The following GZMK variants were observed in gnomAD, a reference collection of about 807,000 sequenced individuals.
The protein encoded by GZMK is granzyme K.
A neutral mutation model predicts 22.8 loss-of-function variants in GZMK; 18 were observed. That is an observed-to-expected ratio of 0.79 (90% CI 0.54 to 1.17). GZMK has a LOEUF of 1.17. Ranked by LOEUF, GZMK falls within the 50% of genes most tolerant of loss-of-function variation. The pLI is 0.00. For missense variants in GZMK, 342 were observed against 320.2 expected (o/e 1.07, Z -0.52); for synonymous variants, 136 against 115.0 (o/e 1.18, Z -1.17).
At chr5:55,028,343 G>A (rs536029707) in intron 2 of GZMK, 2 of 152,232 alleles carry the variant, frequency 1.3e-5, no homozygotes, top group East Asian at 3.9e-4. Context: ...TGTTGAATTT[G>A]AATTCAAATC....
rs746820075 is a variant in GZMK, at chr5:55,031,502, C to G, written c.502C>G (p.Leu168Val). ...AGATTCATTAAGACCTTCTGACACCCTGCGAGAAGTCACTGTTACTGTCCT... is the reference window on the plus strand; with the variant it reads ...AGATTCATTAAGACCTTCTGACACCGTGCGAGAAGTCACTGTTACTGTCCT... ...DPDSLRPSDT[L>V]REVTVTVLSR... The change falls in exon 4 of 5, where the codon CTG becomes GTG. Residue 168 changes from leucine (L) to valine (V), a missense_variant. Transcript: ENST00000231009. 4.3e-6 allele frequency: 7 copies of G among 1,614,146 alleles called. No individual in the cohort carries two copies. The highest frequency in any genetic ancestry group is 5.9e-6 in the Non-Finnish European group (7 of 1,179,982).
chr5:55,033,700 T>C, intron 4 of GZMK, 65 bp from the exon 5 acceptor site: 1 of 1,214,824 alleles, frequency 8.2e-7, no homozygotes, highest in Non-Finnish European at 1.2e-6. Context: ...CAGCAGTTGG[T>C]GGTTAAAAAA....
chr5:55,024,423 G>T, intron 1 of GZMK, 37 bp downstream of exon 1: 1 of 952,486 alleles, frequency 1.0e-6, no homozygotes, highest in South Asian at 1.4e-5. Context: ...AACATTAAAT[G>T]AATTTCTACT....
At chr5:55,026,584 T>C (rs1741146471) in intron 2 of GZMK, among the ~76,000 whole-genome samples, 1 of 152,116 alleles carries the variant, frequency 6.6e-6, no homozygotes, top group Non-Finnish European at 1.5e-5. Context: ...TCAAAATATT[T>C]ACAAAATAGC....
At chr5:55,029,558 G>A (rs1229929395) in intron 2 of GZMK, among the ~76,000 whole-genome samples, 1 of 151,802 alleles carries the variant, frequency 6.6e-6, no homozygotes, top group Non-Finnish European at 1.5e-5. Context: ...TTGTTTGTTT[G>A]TTTGTTTGTT....
Position 55,024,262 on chromosome 5 carries a change from T to C in GZMK, c.-61T>C. The C allele has an allele frequency of 3.6e-6, 3 of 844,882 alleles. No homozygotes were observed. The highest frequency in any genetic ancestry group is 6.1e-6 in the Non-Finnish European group (3 of 490,214). 52.3% of individuals were successfully genotyped at this position (844,882 alleles called of 1,614,324 possible). A position where few individuals can be genotyped will look rare whatever the true frequency, so the allele number is the denominator to read the frequency against. Reference sequence around the variant, plus strand: ...AGAACAAAACTCAGTCTTCAGAATCTTCTTCCTTCATCACAGGATCAACAC... The same window carrying C: ...AGAACAAAACTCAGTCTTCAGAATCCTCTTCCTTCATCACAGGATCAACAC... On this transcript the variant is annotated 5_prime_UTR_variant, in exon 1 of 5. Coordinates refer to ENST00000231009, the MANE Select transcript of GZMK (RefSeq NM_002104.3).
chr5:55,031,703 C>A, intron 4 of GZMK, 70 bp downstream of exon 4: 2 of 1,284,958 alleles, frequency 1.6e-6, no homozygotes, highest in Non-Finnish European at 2.2e-6. Flanking sequence ...TGCTCACTGA[C>A]ACTGAGGAGG....
intron 2 of GZMK, 152 bp from the exon 3 acceptor site, chr5:55,030,282 A>T: frequency 1.5e-6 from 1 of 664,010 alleles, no homozygotes; most frequent in Non-Finnish European, 2.6e-6. Flanking sequence ...GCTGGGCTCC[A>T]CTAAGACCTT....
chr5:55,028,671 C>G (rs1741173829), intron 2 of GZMK: 1 of 152,154 alleles, frequency 6.6e-6, no homozygotes, highest in Admixed American at 6.6e-5. Context: ...CTGCAATCTA[C>G]TTTGGTAGCT....
chr5:55,028,044 T>C (rs1741165650), intron 2 of GZMK, among the ~76,000 whole-genome samples: 1 of 152,220 alleles, frequency 6.6e-6, no homozygotes, highest in Admixed American at 6.5e-5. Flanking sequence ...GAAGGAATAA[T>C]GGTCTGCTTG....
chr5:55,024,738 G>C lies in GZMK; in HGVS notation c.143G>C (p.Gly48Ala), dbSNP rs759474452. The C allele has an allele frequency of 1.3e-5, 21 of 1,611,106 alleles. No homozygotes were observed. The South Asian group carries it at 2.3e-4, about 18-fold the overall frequency. The stretch of plus-strand genomic sequence containing the variant: ...TTTATGGCCTCCATCCAGTATGGCG[G>C]ACATCACGTTTGTGGAGGTGTTCTG... The part of the protein sequence containing the change: ...RPFMASIQYG[G>A]HHVCGGVLID... The change falls in exon 2 of 5, where the codon GGA becomes GCA. Residue 48 changes from glycine to alanine, a missense_variant. Transcript: ENST00000231009.
At position 55,031,471 on chromosome 5, in the gene GZMK, C is replaced by T. The variant is rs765985227; in HGVS notation, c.471C>T (p.Thr157=). 63 of 1,613,912 alleles carry T rather than the reference C, an allele frequency of 3.9e-5. No homozygotes were observed. The highest frequency in any genetic ancestry group is 1.1e-4 in the East Asian group (5 of 44,876). The change falls in exon 4 of 5, where the codon ACC becomes ACT. Residue 157 remains threonine (T), a synonymous_variant. Transcript: ENST00000231009. The part of the protein sequence containing the change: ...TKCKVTGWGA[T]DPDSLRPSDT... Reference sequence around the variant, plus strand: ...GCAAGGTTACTGGCTGGGGAGCCACCGATCCAGATTCATTAAGACCTTCTG... The same window carrying T: ...GCAAGGTTACTGGCTGGGGAGCCACTGATCCAGATTCATTAAGACCTTCTG...
In GZMK at chr5:55,031,513, C is replaced by G; in HGVS notation, c.513C>G (p.Val171=). 1.2e-6 allele frequency: 2 copies of G among 1,614,124 alleles called. No homozygotes were observed. Among genetic ancestry groups the G allele is most frequent in the Non-Finnish European group, 1.7e-6 (2 of 1,179,960 alleles). ...GACCTTCTGACACCCTGCGAGAAGT[C>G]ACTGTTACTGTCCTAAGTCGAAAAC... ...SLRPSDTLRE[V]TVTVLSRKLC... The change falls in exon 4 of 5, where the codon GTC becomes GTG. Residue 171 remains valine, a synonymous_variant. Coordinates refer to ENST00000231009, the MANE Select transcript of GZMK (RefSeq NM_002104.3).
rs758370179 is a variant in GZMK at position 55,024,395 on chromosome 5, C to T, written c.64+9C>T. On this transcript the variant is annotated intron_variant, in intron 1 of 4. Transcript: ENST00000231009. ...TTATATGACTCATGTGTGTAAGTAT[C>T]TCCTATATCTACATGTAAACATTAA... 1 of 1,223,382 alleles carries T rather than the reference C, an allele frequency of 8.2e-7. No individual in the cohort carries two copies. Among genetic ancestry groups the T allele is most frequent in the South Asian group, 1.2e-5 (1 of 80,858 alleles). The allele number at this position is 1,223,382 out of a possible 1,614,324, so 75.8% of individuals were successfully genotyped here. A position where few individuals can be genotyped will look rare whatever the true frequency, so the allele number is the denominator to read the frequency against.
Position 55,033,779 on chromosome 5 carries a change from C to T in GZMK, c.648C>T (p.Gly216=). Residue 216 remains glycine (G), a synonymous_variant, in exon 5 of 5, where the codon GGC becomes GGT. Coordinates refer to ENST00000231009, the MANE Select transcript of GZMK (RefSeq NM_002104.3). ...QKDSCKGDSG[G]PLICKGVFHA... ...CTTCCTTCCAGGGTGACTCAGGGGG[C>T]CCCTTGATCTGTAAAGGTGTCTTCC... 4 of 1,599,574 alleles carry T rather than the reference C, an allele frequency of 2.5e-6. No individual in the cohort carries two copies. The South Asian group carries it at 3.4e-5, about 14-fold the overall frequency.
At position 55,024,790 on chromosome 5, in the gene GZMK, AG is replaced by A; in HGVS notation, c.196del (p.Ala66ProfsTer17). 1 of 1,604,254 alleles carries A rather than the reference AG, an allele frequency of 6.2e-7. No homozygotes were observed. On this transcript the variant is annotated frameshift_variant, in exon 2 of 5. Transcript: ENST00000231009. LOFTEE classifies it high-confidence loss of function. ...LIDPQWVLTA[A>X]HCQYRFTKGQ... ...TTGATCCACAGTGGGTGCTGACAGC[AG>A]CCCACTGCCAATATCGGTGAGTCCT...
chr5:55,034,175 G>C lies in GZMK; in HGVS notation c.*249G>C, dbSNP rs3815763. 0.23 allele frequency: 95,535 copies of C among 409,480 alleles called. 11,885 individuals carry two copies. The highest frequency in any genetic ancestry group is 0.36 in the African/African-American group (17,453 of 48,900). 25.4% of individuals were successfully genotyped at this position (409,480 alleles called of 1,614,324 possible). The stretch of plus-strand genomic sequence containing the variant: ...ACATGAAGTAATATCTGCCCCCATT[G>C]CACCCACACTCGCCAAAGGGCAATA... On this transcript the variant is annotated 3_prime_UTR_variant, in exon 5 of 5. Transcript: ENST00000231009.
Position 55,030,547 on chromosome 5 carries a change from C to T in GZMK, c.326C>T (p.Thr109Ile). The change falls in exon 3 of 5, where the codon ACA becomes ATA. Residue 109 changes from threonine to isoleucine, a missense_variant. Physicochemically the swap from Thr to Ile is moderately conservative, Grantham distance 89. Coordinates refer to ENST00000231009, the MANE Select transcript of GZMK (RefSeq NM_002104.3). ...IKKFIPFSRV[T>I]SDPQSNDIML... Reference sequence around the variant, plus strand: ...AAATTTATACCATTCTCAAGAGTTACATCAGATCCTCAATCAAATGATATC... The same window carrying T: ...AAATTTATACCATTCTCAAGAGTTATATCAGATCCTCAATCAAATGATATC... 6.2e-7 allele frequency: 1 copy of T among 1,611,938 alleles called. No individual in the cohort carries two copies. The highest frequency in any genetic ancestry group is 8.5e-7 in the Non-Finnish European group (1 of 1,177,952).
At chr5:55,024,497 A>T in intron 1 of GZMK, 111 bp downstream of exon 1, 1 of 761,888 alleles carries the variant, frequency 1.3e-6, no homozygotes, top group Non-Finnish European at 2.2e-6. Flanking sequence ...TCTGAACTGT[A>T]ATGTATTATA....
Sources: allele counts gnomAD v4.1 joint callset (sites outside exome capture counted in the v4.1 genomes callset), GRCh38; gene constraint gnomAD v4.1.1; transcripts MANE v1.5; gene names NCBI Gene and HGNC (gene_info 2026-07-23, HGNC 2026-07-21).